CNIH3: variants seen among roughly 807,000 people sequenced by gnomAD.
The protein encoded by CNIH3 is protein cornichon homolog 3.
Under a neutral mutation model 24.1 loss-of-function variants are expected in CNIH3, and 14 were observed. The ratio of observed to expected loss-of-function variants is 0.58; its 90% CI spans 0.38 to 0.91. The LOEUF is 0.91. Ranked by LOEUF, CNIH3 falls within the 40% of genes least tolerant of loss-of-function variation. The probability of loss-of-function intolerance (pLI) is 0.00; values close to 1 mark genes in which losing one functional copy is unlikely to be tolerated. For missense variants in CNIH3, 178 were observed against 196.8 expected (o/e 0.90, Z 0.57); for synonymous variants, 68 against 73.8 (o/e 0.92, Z 0.40).
At chr1:224,596,464 A>G (rs1412160806) in intron 3 of CNIH3, among the ~76,000 whole-genome samples, 1 of 152,232 alleles carries the variant, frequency 6.6e-6, no homozygotes, top group Non-Finnish European at 1.5e-5. Context: ...TCTGATGGAG[A>G]TGTACAAGGA....
intron 1 of CNIH3, among the ~76,000 whole-genome samples, chr1:224,446,459 A>G (rs1675170031): frequency 1.3e-5 from 2 of 152,052 alleles, no homozygotes; most frequent in African/African-American, 2.4e-5. Flanking sequence ...GTAATGTTTC[A>G]TGGTTTTCTG....
chr1:224,570,816 A>G (rs1445473419), intron 4 of CNIH3, among the ~76,000 whole-genome samples: 2 of 152,162 alleles, frequency 1.3e-5, no homozygotes, highest in East Asian at 3.8e-4. Context: ...TAAAAGTTTT[A>G]TAGTTTAGCC....
rs559788962 is a variant in CNIH3 at position 224,516,966 on chromosome 1, A to T, written n.15+1090A>T. Reference sequence around the variant, plus strand: ...CCCCAGCTCTGCTTCTGTTTCAGTGACAGGGAAATTAAGAACTGTTTTTAG... The same window carrying T: ...CCCCAGCTCTGCTTCTGTTTCAGTGTCAGGGAAATTAAGAACTGTTTTTAG... On this transcript the variant is annotated intron_variant and non_coding_transcript_variant, in intron 1 of 2. Transcript: ENST00000470602. Among the ~76,000 whole-genome samples the T allele has an allele frequency of 2.6e-5, 4 of 152,160 alleles. 1 individual carries two copies. The South Asian group carries it at 8.3e-4, about 32-fold the overall frequency.
intron 1 of CNIH3, among the ~76,000 whole-genome samples, chr1:224,473,547 C>G (rs1024505279): frequency 6.6e-6 from 1 of 151,926 alleles, no homozygotes; most frequent in Non-Finnish European, 1.5e-5. Flanking sequence ...CTATAAAAAG[C>G]GACAAAAAGG....
intron 1 of CNIH3, among the ~76,000 whole-genome samples, chr1:224,440,328 C>T (rs947134469): frequency 6.6e-6 from 1 of 152,166 alleles, no homozygotes; most frequent in African/African-American, 2.4e-5. Context: ...CTCCAAAGTT[C>T]AAGTGGTCTT....
In CNIH3 at chr1:224,474,371, A is replaced by G. The variant is rs776257769; in HGVS notation, n.203+39509A>G. Among the ~76,000 whole-genome samples the G allele has an allele frequency of 2.5e-3, 387 of 152,122 alleles. 3 individuals carry two copies. Among genetic ancestry groups the G allele is most frequent in the South Asian group, 0.016 (78 of 4,812 alleles). ...AAGAGCAAAACTTCGCCTCAAAAAA[A>G]AAAAAAAAAAGTTTTTCAAGAAAAA... is the stretch of plus-strand genomic sequence containing the variant. On this transcript the variant is annotated intron_variant and non_coding_transcript_variant, in intron 1 of 5. Coordinates refer to the CNIH3 transcript ENST00000471578.
intron 1 of CNIH3, among the ~76,000 whole-genome samples, chr1:224,664,052 T>C (rs1033861329): frequency 6.6e-6 from 1 of 152,166 alleles, no homozygotes; most frequent in African/African-American, 2.4e-5. Context: ...ATTTGGGTGA[T>C]GTCAGCCAGA....
At chr1:224,625,211 C>T (rs1035389721) in intron 1 of CNIH3, among the ~76,000 whole-genome samples, 1 of 152,180 alleles carries the variant, frequency 6.6e-6, no homozygotes, top group African/African-American at 2.4e-5. Context: ...TGAATACTTT[C>T]CCAGACTTAC....
chr1:224,698,131 C>T (rs149916763), intron 3 of CNIH3, among the ~76,000 whole-genome samples: 75 of 152,312 alleles, frequency 4.9e-4, no homozygotes, highest in African/African-American at 1.8e-3. Flanking sequence ...GTCTGTGTGG[C>T]ACAGACAATT....
intron 1 of CNIH3, among the ~76,000 whole-genome samples, chr1:224,624,963 C>T (rs111435440): frequency 1.3e-5 from 2 of 152,188 alleles, no homozygotes; most frequent in East Asian, 3.9e-4. Context: ...TAGGAAGCCG[C>T]ATTCTCCCTG....
intron 3 of CNIH3, among the ~76,000 whole-genome samples, chr1:224,593,684 T>C (rs1054037127): frequency 6.6e-6 from 1 of 152,236 alleles, no homozygotes; most frequent in Admixed American, 6.5e-5. Context: ...TTATTGTCAA[T>C]TTTAAAAAAT....
At chr1:224,505,571 C>T (rs535383044) in intron 1 of CNIH3, among the ~76,000 whole-genome samples, 4 of 152,036 alleles carry the variant, frequency 2.6e-5, no homozygotes, top group South Asian at 2.1e-4. Context: ...AAAATCAAAC[C>T]CCTAGGGTAG....
At chr1:224,593,280 A>C (rs573787634), downstream of CNIH3, among the ~76,000 whole-genome samples, 1 of 151,756 alleles carries the variant, frequency 6.6e-6, no homozygotes, top group East Asian at 1.9e-4. Context: ...TCAGCCACCC[A>C]AATAGCTGGG....
intron 3 of CNIH3, among the ~76,000 whole-genome samples, chr1:224,602,306 G>A (rs1048602188): frequency 4.4e-4 from 65 of 148,248 alleles, no homozygotes; most frequent in Non-Finnish European, 8.1e-4. Flanking sequence ...ATGTTTGTTT[G>A]AAAATGCTTA....
At chr1:224,476,532 T>C (rs533399191) in intron 1 of CNIH3, among the ~76,000 whole-genome samples, 7 of 152,354 alleles carry the variant, frequency 4.6e-5, no homozygotes, top group African/African-American at 1.4e-4. Context: ...AAATGAGCAC[T>C]GGCAGCGAGC....
At chr1:224,593,156 T>A (rs1242258614), downstream of CNIH3, among the ~76,000 whole-genome samples, 1 of 146,662 alleles carries the variant, frequency 6.8e-6, no homozygotes, top group Non-Finnish European at 1.5e-5. Flanking sequence ...TTTTTTTTTT[T>A]AACTTTTTTT....
intron 1 of CNIH3, among the ~76,000 whole-genome samples, chr1:224,620,045 C>T (rs1683206203): frequency 1.3e-5 from 2 of 152,184 alleles, no homozygotes; most frequent in African/African-American, 4.8e-5. Context: ...TGTGGCCAGC[C>T]TTTCTTTCAA....
intron 2 of CNIH3, among the ~76,000 whole-genome samples, chr1:224,531,799 G>T (rs1164820225): frequency 1.3e-5 from 2 of 152,144 alleles, no homozygotes; most frequent in African/African-American, 2.4e-5. Flanking sequence ...TCAGGAGAGG[G>T]TCTGCAGCAC....
At chr1:224,591,286 A>G (rs1681744596), downstream of CNIH3, among the ~76,000 whole-genome samples, 1 of 152,154 alleles carries the variant, frequency 6.6e-6, no homozygotes. Context: ...GAAGTCATTT[A>G]TATTCTCCAC....
Sources: allele counts gnomAD v4.1 joint callset (sites outside exome capture counted in the v4.1 genomes callset), GRCh38; gene constraint gnomAD v4.1.1; transcripts MANE v1.5; gene names NCBI Gene and HGNC (gene_info 2026-07-23, HGNC 2026-07-21).